The following CPLX2 variants were observed in gnomAD, a reference collection of about 807,000 sequenced individuals.
CPLX2 encodes complexin 2, also known as complexin-2.
A neutral mutation model predicts 16.3 loss-of-function variants in CPLX2; 5 were observed. That is an observed-to-expected ratio of 0.31 (90% CI 0.16 to 0.64). CPLX2 has a LOEUF of 0.64. Among genes scored for constraint, CPLX2 ranks in the 30% least tolerant of loss-of-function variants. The probability of loss-of-function intolerance (pLI) is 0.79; values close to 1 mark genes in which losing one functional copy is unlikely to be tolerated. For synonymous variants in CPLX2, 89 were observed against 73.2 expected, an observed-to-expected ratio of 1.22 and a Z score of -1.10; for missense variants, 144 against 181.4, an observed-to-expected ratio of 0.79 and a Z score of 1.18.
intron 2 of CPLX2, among the ~76,000 whole-genome samples, chr5:175,827,066 A>G (rs1581078871): frequency 6.6e-6 from 1 of 152,108 alleles, no homozygotes; most frequent in African/African-American, 2.4e-5. Context: ...TTACATCCCC[A>G]CAGCTCAGCA....
intron 2 of CPLX2, among the ~76,000 whole-genome samples, chr5:175,857,359 C>T (rs950972928): frequency 3.9e-5 from 6 of 152,338 alleles, no homozygotes; most frequent in African/African-American, 1.4e-4. Context: ...TTTATTTCTG[C>T]AGCGCACTCA....
At chr5:175,836,168 G>A (rs1332888486) in intron 2 of CPLX2, among the ~76,000 whole-genome samples, 1 of 152,092 alleles carries the variant, frequency 6.6e-6, no homozygotes, top group Non-Finnish European at 1.5e-5. Context: ...GGCTAACACG[G>A]TGAAACCCCG....
intron 2 of CPLX2, among the ~76,000 whole-genome samples, chr5:175,825,398 CAAAAAGAAAAAA>C (rs1581077899): frequency 6.8e-6 from 1 of 146,522 alleles, no homozygotes; most frequent in South Asian, 2.2e-4. Flanking sequence ...CAAAAACAAA[CAAAAAGAAAAAA>C]AAAAAGGAAA....
intron 2 of CPLX2, among the ~76,000 whole-genome samples, chr5:175,822,793 C>G (rs1758537546): frequency 6.6e-6 from 1 of 152,232 alleles, no homozygotes; most frequent in South Asian, 2.1e-4. Context: ...GGACTCAGCC[C>G]TAACCCATTC....
intron 2 of CPLX2, among the ~76,000 whole-genome samples, chr5:175,846,290 G>A (rs1426771848): frequency 6.6e-6 from 1 of 152,106 alleles, no homozygotes; most frequent in Non-Finnish European, 1.5e-5. Flanking sequence ...GGGCACCTGT[G>A]GTCAGCCCCG....
At chr5:175,871,045 G>T (rs1759580891), upstream of CPLX2, among the ~76,000 whole-genome samples, 1 of 152,074 alleles carries the variant, frequency 6.6e-6, no homozygotes, top group Non-Finnish European at 1.5e-5. Context: ...GGTCGCTGAG[G>T]CAAGGGCTTG....
chr5:175,835,728 C>CTTTTTTT (rs71575283), intron 2 of CPLX2, among the ~76,000 whole-genome samples: 20 of 54,796 alleles, frequency 3.6e-4, no homozygotes, highest in East Asian at 1.2e-3. Context: ...TATTTATTTA[C>CTTTTTTT]TTTTTTTTTT....
chr5:175,838,134 A>G (rs149573319), intron 2 of CPLX2, among the ~76,000 whole-genome samples: 1 of 152,326 alleles, frequency 6.6e-6, no homozygotes, highest in African/African-American at 2.4e-5. Flanking sequence ...AGACGGAAAC[A>G]TAGACCGGGA....
At chr5:175,832,520 T>C (rs904970589) in intron 2 of CPLX2, among the ~76,000 whole-genome samples, 2 of 152,236 alleles carry the variant, frequency 1.3e-5, no homozygotes, top group African/African-American at 4.8e-5. Flanking sequence ...CTTTTGCCTA[T>C]AATTGTCTCC....
chr5:175,814,274 G>T (rs1305437715), intron 2 of CPLX2, among the ~76,000 whole-genome samples: 1 of 152,220 alleles, frequency 6.6e-6, no homozygotes, highest in Admixed American at 6.5e-5. Flanking sequence ...AAGAAGGAGG[G>T]AGATTGCTGG....
At chr5:175,810,761 G>A (rs1758297986) in intron 2 of CPLX2, among the ~76,000 whole-genome samples, 1 of 152,160 alleles carries the variant, frequency 6.6e-6, no homozygotes, top group African/African-American at 2.4e-5. Flanking sequence ...AATAGGCTTT[G>A]GGATGGAAAC....
intron 2 of CPLX2, among the ~76,000 whole-genome samples, chr5:175,832,354 T>G (rs1420677355): frequency 6.6e-6 from 1 of 152,204 alleles, no homozygotes; most frequent in African/African-American, 2.4e-5. Flanking sequence ...AAAAGAAAGT[T>G]GAAGCTCAGA....
intron 1 of CPLX2, among the ~76,000 whole-genome samples, chr5:175,873,592 G>C (rs964815986): frequency 1.3e-5 from 2 of 152,140 alleles, no homozygotes; most frequent in African/African-American, 2.4e-5. Context: ...TCTCCAAAGG[G>C]GAAGATGCCC....
intron 1 of CPLX2, among the ~76,000 whole-genome samples, chr5:175,876,828 T>C (rs979740776): frequency 6.6e-6 from 1 of 152,228 alleles, no homozygotes; most frequent in African/African-American, 2.4e-5. Context: ...GTTCATTTCC[T>C]GTTCTTAGAA....
At chr5:175,843,003 C>T (rs948278635) in intron 2 of CPLX2, among the ~76,000 whole-genome samples, 1 of 152,210 alleles carries the variant, frequency 6.6e-6, no homozygotes, top group African/African-American at 2.4e-5. Context: ...GCAGCCATAG[C>T]TTTAAACAGC....
At chr5:175,864,214 A>G (rs1055761025) in intron 2 of CPLX2, among the ~76,000 whole-genome samples, 1 of 152,218 alleles carries the variant, frequency 6.6e-6, no homozygotes, top group Non-Finnish European at 1.5e-5. Context: ...TCTCAGGGAA[A>G]AGCCACACAC....
chr5:175,835,592 A>G (rs761556344), intron 2 of CPLX2, among the ~76,000 whole-genome samples: 16 of 152,084 alleles, frequency 1.1e-4, no homozygotes, highest in Non-Finnish European at 1.9e-4. Context: ...TCTGCACCTT[A>G]TTTCCAGATG....
intron 2 of CPLX2, among the ~76,000 whole-genome samples, chr5:175,861,014 T>G (rs1759363360): frequency 6.7e-6 from 1 of 149,752 alleles, no homozygotes; most frequent in Admixed American, 6.7e-5. Flanking sequence ...AAAAAAAGCT[T>G]CAGAAGAGGC....
intron 2 of CPLX2, among the ~76,000 whole-genome samples, chr5:175,865,649 TA>T (rs1369426428): frequency 6.6e-6 from 1 of 152,222 alleles, no homozygotes; most frequent in Non-Finnish European, 1.5e-5. Context: ...CCATGAATCC[TA>T]AAATATTCTA....
Sources: gnomAD v4.1 joint callset for allele counts (sites outside exome capture counted in the v4.1 genomes callset) on GRCh38, gnomAD v4.1.1 for gene constraint, MANE v1.5 for transcripts, NCBI Gene and HGNC (gene_info 2026-07-23, HGNC 2026-07-21) for gene names.